The following RTN3 variants were observed in gnomAD, a reference collection of about 807,000 sequenced individuals.
RTN3 encodes reticulon-3.
A neutral mutation model predicts 77.8 loss-of-function variants in RTN3; 49 were observed. That is an observed-to-expected ratio of 0.63 (90% CI 0.50 to 0.80). The LOEUF (loss-of-function observed/expected upper bound fraction) is 0.80. Ranked by LOEUF, RTN3 falls within the 30% of genes least tolerant of loss-of-function variation. The probability of loss-of-function intolerance (pLI) is 0.00; values close to 1 mark genes in which losing one functional copy is unlikely to be tolerated. For synonymous variants in RTN3, 464 were observed against 446.9 expected (o/e 1.04, Z -0.48); for missense variants, 1,236 against 1,211.9 (o/e 1.02, Z -0.29).
chr11:63,681,692 G>A lies in RTN3; in HGVS notation c.56G>A (p.Gly19Glu), dbSNP rs763977377. The A allele has an allele frequency of 2.1e-5, 34 of 1,611,378 alleles. No individual in the cohort carries two copies. The highest frequency in any genetic ancestry group is 1.6e-4 in the Middle Eastern group (1 of 6,066). Residue 19 changes from glycine to glutamate, a missense_variant, in exon 1 of 9, where the codon GGA becomes GAA. Gly to Glu is a moderately conservative substitution (Grantham distance 98, BLOSUM62 -2). Around this residue, in one of 3 missense-constraint regions of RTN3, gnomAD observed 1,056 missense variants for 990.4 expected, o/e 1.07. Coordinates refer to ENST00000377819, the MANE Select transcript of RTN3 (RefSeq NM_001265589.2). ...QSHSISSSSF[G>E]AEPSAPGGGG... ...CATTCCATCTCCTCGTCGTCCTTCGGAGCCGAGCCGTCCGCGCCCGGCGGC... is the reference window on the plus strand; with the variant it reads ...CATTCCATCTCCTCGTCGTCCTTCGAAGCCGAGCCGTCCGCGCCCGGCGGC...
At chr11:63,682,034 A>G (rs1941083499) in intron 1 of RTN3, among the ~76,000 whole-genome samples, 1 of 152,250 alleles carries the variant, frequency 6.6e-6, no homozygotes. Flanking sequence ...TAACGCCAAG[A>G]CTGGGCAGGT....
chr11:63,752,907 C>T (rs1005803719), intron 5 of RTN3, among the ~76,000 whole-genome samples, 162 bp from the exon 6 acceptor site: 3 of 152,160 alleles, frequency 2.0e-5, no homozygotes, highest in Non-Finnish European at 4.4e-5. Context: ...ACTCACATAC[C>T]TTCAAATGTA....
intron 3 of RTN3, among the ~76,000 whole-genome samples, chr11:63,742,926 G>A (rs927123423): frequency 6.6e-6 from 1 of 152,084 alleles, no homozygotes; most frequent in Non-Finnish European, 1.5e-5. Flanking sequence ...TGTCACTCAG[G>A]TTGGAGTGCA....
At chr11:63,752,763 A>C in intron 5 of RTN3, 118 bp downstream of exon 5, 2 of 1,094,624 alleles carry the variant, frequency 1.8e-6, no homozygotes, top group Non-Finnish European at 2.7e-6. Context: ...TGCTTAGCTC[A>C]GTCATTCTAT....
At position 63,719,676 on chromosome 11, in the gene RTN3, A is replaced by G. The variant is rs139271709; in HGVS notation, c.1174A>G (p.Ile392Val). ...STHQKTPVCS[I>V]DGSTPITKST... ...TCATCAGAAAACTCCTGTATGTTCTATTGATGGGAGCACTCCCATCACTAA... is the reference window on the plus strand; with the variant it reads ...TCATCAGAAAACTCCTGTATGTTCTGTTGATGGGAGCACTCCCATCACTAA... The change falls in exon 3 of 9, where the codon ATT becomes GTT. Residue 392 changes from isoleucine (I) to valine (V), a missense_variant. Coordinates refer to ENST00000377819, the MANE Select transcript of RTN3 (RefSeq NM_001265589.2). 49 of 1,614,160 alleles carry G rather than the reference A, an allele frequency of 3.0e-5. No homozygotes were observed. The East Asian group carries it at 4.2e-4, about 14-fold the overall frequency.
chr11:63,704,110 C>A (rs565972809), intron 1 of RTN3, among the ~76,000 whole-genome samples: 5 of 151,866 alleles, frequency 3.3e-5, no homozygotes, highest in Admixed American at 2.0e-4. Context: ...TCAAGTGATT[C>A]TCCTGCCTCA....
At chr11:63,740,076 A>G (rs561162291) in intron 3 of RTN3, among the ~76,000 whole-genome samples, 7 of 152,236 alleles carry the variant, frequency 4.6e-5, no homozygotes, top group African/African-American at 1.7e-4. Context: ...TCCCAAATCT[A>G]TACTCTATGT....
At chr11:63,705,924 G>T (rs772967059) in intron 2 of RTN3, among the ~76,000 whole-genome samples, 3 of 152,124 alleles carry the variant, frequency 2.0e-5, no homozygotes, top group African/African-American at 7.2e-5. Context: ...TATTTCATTC[G>T]TGCTGTTTTT....
At chr11:63,712,246 A>G (rs1565314944) in intron 2 of RTN3, among the ~76,000 whole-genome samples, 1 of 152,156 alleles carries the variant, frequency 6.6e-6, no homozygotes, top group Non-Finnish European at 1.5e-5. Flanking sequence ...TTCTCTCCCT[A>G]GTAAAAAGGC....
rs753369954 is a variant in RTN3, at chr11:63,700,282, C to CTTTTTTTTTTTT, written c.143-4558_143-4557insTTTTTTTTTTTT. 2.6e-4 allele frequency among the ~76,000 whole-genome samples: 35 copies of CTTTTTTTTTTTT among 133,412 alleles called. 6 individuals carry two copies. Among genetic ancestry groups the CTTTTTTTTTTTT allele is most frequent in the African/African-American group, 5.2e-4 (18 of 34,616 alleles). The allele number at this position is 133,412 out of a possible 152,430, so 87.5% of individuals were successfully genotyped here. A position where few individuals can be genotyped will look rare whatever the true frequency, so the allele number is the denominator to read the frequency against. The stretch of plus-strand genomic sequence containing the variant: ...GAGATAGGAAAACATGATTCTTTTA[C>CTTTTTTTTTTTT]TTTTTTTTTTTAAGGTAAGGTCTCA... On this transcript the variant is annotated intron_variant, in intron 1 of 8. Coordinates refer to ENST00000377819, the MANE Select transcript of RTN3 (RefSeq NM_001265589.2).
intron 3 of RTN3, among the ~76,000 whole-genome samples, chr11:63,723,183 C>G (rs781395033): frequency 6.6e-6 from 1 of 152,058 alleles, no homozygotes; most frequent in Non-Finnish European, 1.5e-5. Flanking sequence ...TTGTCACTGA[C>G]CAAAGTCTAT....
At chr11:63,721,893 G>GGCCAAC (rs2011840810) in intron 3 of RTN3, among the ~76,000 whole-genome samples, 1 of 152,104 alleles carries the variant, frequency 6.6e-6, no homozygotes, top group Non-Finnish European at 1.5e-5. Context: ...AACCAGTATT[G>GGCCAAC]TAGTACTATT....
At chr11:63,755,575 C>T (rs1236096496) in intron 7 of RTN3, among the ~76,000 whole-genome samples, 5 of 137,964 alleles carry the variant, frequency 3.6e-5, no homozygotes, top group African/African-American at 5.5e-5. Flanking sequence ...TGCTTAAACC[C>T]GGGAGGTGGA....
At chr11:63,718,578 C>T in intron 2 of RTN3, 124 bp from the exon 3 acceptor site, 3 of 606,550 alleles carry the variant, frequency 4.9e-6, no homozygotes, top group Non-Finnish European at 8.0e-6. Context: ...TGTATATATA[C>T]ATCCTGTGTG....
At chr11:63,739,995 A>T (rs2013361183) in intron 3 of RTN3, among the ~76,000 whole-genome samples, 1 of 152,086 alleles carries the variant, frequency 6.6e-6, no homozygotes, top group Admixed American at 6.6e-5. Context: ...GTGGAATTTG[A>T]GGGGCTGAGA....
At chr11:63,716,062 T>C (rs143983082) in intron 2 of RTN3, among the ~76,000 whole-genome samples, 7 of 152,342 alleles carry the variant, frequency 4.6e-5, no homozygotes, top group East Asian at 1.9e-4. Flanking sequence ...TTTGGTAATA[T>C]AGCTTTGCCA....
rs567566104 is a variant in RTN3, at chr11:63,757,616, C to T, written c.3054-540C>T. On this transcript the variant is annotated intron_variant, in intron 8 of 8. Transcript: ENST00000377819. ...TCAAGTGATCCTCCCACCTTGGCCT[C>T]ACAAAGTGCTGAGATTACAGGCATG... 2.6e-5 allele frequency among the ~76,000 whole-genome samples: 4 copies of T among 152,300 alleles called. No homozygotes were observed. The South Asian group carries it at 8.3e-4, about 32-fold the overall frequency.
intron 7 of RTN3, among the ~76,000 whole-genome samples, chr11:63,755,477 C>G (rs940643286): frequency 2.0e-5 from 3 of 151,552 alleles, no homozygotes; most frequent in African/African-American, 7.3e-5. Context: ...GAAACCCTGT[C>G]TCTGTCTCTA....
chr11:63,725,282 T>C (rs2012162147), intron 3 of RTN3, among the ~76,000 whole-genome samples: 1 of 152,226 alleles, frequency 6.6e-6, no homozygotes, highest in South Asian at 2.1e-4. Context: ...ATTAGGTTTT[T>C]AAACTTCTTT....
Sources: allele counts gnomAD v4.1 joint callset (sites outside exome capture counted in the v4.1 genomes callset), GRCh38; gene constraint gnomAD v4.1.1; regional missense constraint gnomAD v4.1.1; transcripts MANE v1.5; gene names NCBI Gene and HGNC (gene_info 2026-07-23, HGNC 2026-07-21).